The following COL28A1 variants were observed in gnomAD, a reference collection of about 807,000 sequenced individuals.
COL28A1 encodes the protein collagen alpha-1(XXVIII) chain.
COL28A1 carries 161 observed loss-of-function variants against 150.2 expected under a neutral mutation model. The ratio of observed to expected loss-of-function variants is 1.07; its 90% CI spans 0.94 to 1.22. COL28A1 has a LOEUF of 1.22. Among genes scored for constraint, COL28A1 ranks in the 50% most tolerant of loss-of-function variants. COL28A1 has a pLI of 0.00. For missense variants in COL28A1, 1,617 were observed against 1,388.3 expected (o/e 1.16, Z -2.62); for synonymous variants, 552 against 469.7 (o/e 1.18, Z -2.26).
rs756971950 is a variant in COL28A1 at position 7,521,954 on chromosome 7, C to T, written c.710G>A (p.Arg237His). The T allele has an allele frequency of 1.4e-5, 15 of 1,069,952 alleles. No homozygotes were observed. Among genetic ancestry groups the T allele is most frequent in the Middle Eastern group, 2.0e-4 (1 of 5,068 alleles). The allele number at this position is 1,069,952 out of a possible 1,614,324, so 66.3% of individuals were successfully genotyped here. Residue 237 changes from arginine to histidine, a missense_variant, in exon 5 of 35, where the codon CGC becomes CAC. Transcript: ENST00000399429. ...LDILFEKKCE[R>H]KICECEKGDP... ...TCCCTTCTCACATTCACAAATCTTG[C>T]GTTCACACTGAATCAATAATGAAAT...
rs1473573404 is a variant in COL28A1, at chr7:7,373,768, G to A, written c.2360-222C>T. On this transcript the variant is annotated intron_variant, in intron 31 of 34. Coordinates refer to ENST00000399429, the MANE Select transcript of COL28A1 (RefSeq NM_001037763.3). The surrounding 1 kb of genome is among the most constrained non-coding windows in gnomAD (Gnocchi z 4.1). ...GGTTGGAGTGCAGTGGCGCGATCTC[G>A]GCTCACTGCAGGCTCCGTCCCCTGG... Among the ~76,000 whole-genome samples the A allele has an allele frequency of 2.0e-5, 3 of 150,422 alleles. No individual in the cohort carries two copies. The highest frequency in any genetic ancestry group is 7.3e-5 in the African/African-American group (3 of 40,848).
intron 25 of COL28A1, among the ~76,000 whole-genome samples, chr7:7,427,595 G>T (rs1270781487): frequency 6.6e-6 from 1 of 152,082 alleles, no homozygotes; most frequent in Non-Finnish European, 1.5e-5. Context: ...AGAACAGAGG[G>T]GCAATTCAGA....
the COL28A1 span, among the ~76,000 whole-genome samples, chr7:7,339,731 G>T: frequency 1.3e-5 from 2 of 152,114 alleles, no homozygotes; most frequent in African/African-American, 4.8e-5. Context: ...GAATCACCAT[G>T]CTGTGTTGTC....
intron 11 of COL28A1, among the ~76,000 whole-genome samples, chr7:7,494,875 C>A (rs552090205): frequency 6.6e-6 from 1 of 151,982 alleles, no homozygotes; most frequent in Non-Finnish European, 1.5e-5. Flanking sequence ...GATGTTTGAT[C>A]CAAACAAAGA....
chr7:7,440,051 T>C (rs2128319439), intron 21 of COL28A1, among the ~76,000 whole-genome samples: 1 of 152,318 alleles, frequency 6.6e-6, no homozygotes, highest in East Asian at 1.9e-4. Context: ...CGTTTGCAGT[T>C]TCTGTTTCCT....
chr7:7,412,995 A>G (rs1024715), intron 27 of COL28A1, among the ~76,000 whole-genome samples: 60,476 of 151,824 alleles, frequency 0.4, 15,133 homozygotes, highest in African/African-American at 0.71. Context: ...CTTACACCAC[A>G]GAGGTCAGAA....
At chr7:7,356,258 A>G (rs546373039), downstream of COL28A1, 97 of 152,308 alleles carry the variant, frequency 6.4e-4, no homozygotes, top group African/African-American at 2.3e-3. Flanking sequence ...GGCAACACAT[A>G]GAGATATATA....
At chr7:7,445,880 G>C (rs1263956586) in intron 18 of COL28A1, among the ~76,000 whole-genome samples, 1 of 145,340 alleles carries the variant, frequency 6.9e-6, no homozygotes, top group South Asian at 2.2e-4. Flanking sequence ...TTTTTTTTGA[G>C]ATGGAGTTTC....
intron 5 of COL28A1, 90 bp downstream of exon 5, chr7:7,521,814 CA>C: frequency 1.3e-6 from 1 of 777,742 alleles, no homozygotes; most frequent in East Asian, 2.5e-5. Flanking sequence ...TGCTTTTCAG[CA>C]GTGCAAAATA....
the COL28A1 span, among the ~76,000 whole-genome samples, chr7:7,340,198 C>T: frequency 6.6e-6 from 1 of 152,062 alleles, no homozygotes; most frequent in African/African-American, 2.4e-5. Flanking sequence ...ACCATGGTAG[C>T]ATGAGCTACC....
In COL28A1 at chr7:7,396,937, A is replaced by G. The variant is rs559605450; in HGVS notation, c.2137-15325T>C. On this transcript the variant is annotated intron_variant, in intron 27 of 34. Coordinates refer to ENST00000399429, the MANE Select transcript of COL28A1 (RefSeq NM_001037763.3). ...GGCCCTCAATGCAGGGCTTTTGTTA[A>G]TAACCTAAGCACTGTCAGCCATGTA... 2.6e-5 allele frequency among the ~76,000 whole-genome samples: 4 copies of G among 152,276 alleles called. 1 individual carries two copies. The East Asian group carries it at 7.7e-4, about 29-fold the overall frequency.
At chr7:7,356,021 A>G (rs1189189043), downstream of COL28A1, among the ~76,000 whole-genome samples, 1 of 152,236 alleles carries the variant, frequency 6.6e-6, no homozygotes, top group Non-Finnish European at 1.5e-5. Context: ...ATGAATTATA[A>G]TGCAATAATC....
intron 27 of COL28A1, among the ~76,000 whole-genome samples, chr7:7,396,234 T>C (rs553833786): frequency 6.6e-6 from 1 of 152,272 alleles, no homozygotes; most frequent in South Asian, 2.1e-4. Flanking sequence ...ATCCTAATTC[T>C]CCTACTGTAA....
At chr7:7,392,116 T>A (rs577490295) in intron 27 of COL28A1, among the ~76,000 whole-genome samples, 2 of 152,222 alleles carry the variant, frequency 1.3e-5, no homozygotes, top group African/African-American at 4.8e-5. Context: ...TGGCTGGTGC[T>A]GGTTGTTCCT....
downstream of COL28A1, among the ~76,000 whole-genome samples, chr7:7,354,617 T>G (rs1342576893): frequency 6.6e-6 from 1 of 151,906 alleles, no homozygotes; most frequent in African/African-American, 2.4e-5. Flanking sequence ...CTTCTGCAAC[T>G]ATTGATTTCA....
At chr7:7,343,604 ATAT>A in the COL28A1 span, among the ~76,000 whole-genome samples, 1 of 152,130 alleles carries the variant, frequency 6.6e-6, no homozygotes, top group Non-Finnish European at 1.5e-5. Flanking sequence ...AAGATGCAGA[ATAT>A]TATAATATAT....
At chr7:7,442,706 T>C (rs1423378112) in intron 20 of COL28A1, among the ~76,000 whole-genome samples, 1 of 152,164 alleles carries the variant, frequency 6.6e-6, no homozygotes, top group Non-Finnish European at 1.5e-5. Context: ...ATATAATCCA[T>C]AACAATCTTT....
rs552176072 is a variant in COL28A1, at chr7:7,461,012, A to G, written c.1303-4900T>C. Among the ~76,000 whole-genome samples the G allele has an allele frequency of 7.9e-5, 12 of 152,336 alleles. No homozygotes were observed. The East Asian group carries it at 1.9e-3, about 25-fold the overall frequency. ...CTGCAGGAATACATTTGGAAAGCCA[A>G]GAAAACCCACGGACTTGCTGAAGGG... On this transcript the variant is annotated intron_variant, in intron 15 of 34. Coordinates refer to ENST00000399429, the MANE Select transcript of COL28A1 (RefSeq NM_001037763.3).
chr7:7,400,704 CCTTA>C (rs1783127820), intron 27 of COL28A1, among the ~76,000 whole-genome samples: 1 of 151,460 alleles, frequency 6.6e-6, no homozygotes, highest in African/African-American at 2.4e-5. Flanking sequence ...AAAAAACCTT[CCTTA>C]ATCACACATA....
Sources: allele counts gnomAD v4.1 joint callset (sites outside exome capture counted in the v4.1 genomes callset), GRCh38; gene constraint gnomAD v4.1.1; non-coding constraint Gnocchi (gnomAD v3.1); transcripts MANE v1.5; gene names NCBI Gene and HGNC (gene_info 2026-07-23, HGNC 2026-07-21).